The following SAMD4A variants were observed in gnomAD, a reference collection of about 807,000 sequenced individuals.
SAMD4A encodes the protein sterile alpha motif domain containing 4A.
Under a neutral mutation model 81.3 loss-of-function variants are expected in SAMD4A, and 33 were observed. That is an observed-to-expected ratio of 0.41 (90% CI 0.31 to 0.54). SAMD4A has a LOEUF of 0.54. Ranked by LOEUF, SAMD4A falls within the 20% of genes least tolerant of loss-of-function variation. The pLI is 0.37. For missense variants in SAMD4A, 854 were observed against 951.1 expected, an observed-to-expected ratio of 0.90 and a Z score of 1.34; for synonymous variants, 389 against 382.1, an observed-to-expected ratio of 1.02 and a Z score of -0.21.
At chr14:54,654,553 AGAAGTAAG>A (rs2035478493) in intron 2 of SAMD4A, among the ~76,000 whole-genome samples, 1 of 152,170 alleles carries the variant, frequency 6.6e-6, no homozygotes, top group South Asian at 2.1e-4. Context: ...TTTGATCTTG[AGAAGTAAG>A]GATATTAAAA....
At chr14:54,713,109 T>C (rs1045165383) in intron 3 of SAMD4A, among the ~76,000 whole-genome samples, 1 of 152,188 alleles carries the variant, frequency 6.6e-6, no homozygotes, top group African/African-American at 2.4e-5. Context: ...TTACTGATTT[T>C]TTTTTCTTTT....
chr14:54,586,271 ATTGT>A (rs1375415814), intron 2 of SAMD4A, among the ~76,000 whole-genome samples: 1 of 151,582 alleles, frequency 6.6e-6, no homozygotes, highest in Non-Finnish European at 1.5e-5. Context: ...TTTTGATGGG[ATTGT>A]TTGTTTTCTT....
At chr14:54,615,021 A>C (rs2034457134) in intron 2 of SAMD4A, among the ~76,000 whole-genome samples, 2 of 152,302 alleles carry the variant, frequency 1.3e-5, no homozygotes, top group South Asian at 4.1e-4. Context: ...AAGGGTGGTC[A>C]GATGCCATGT....
At chr14:54,650,763 T>C (rs1036993336) in intron 2 of SAMD4A, among the ~76,000 whole-genome samples, 2 of 152,174 alleles carry the variant, frequency 1.3e-5, no homozygotes, top group African/African-American at 4.8e-5. Flanking sequence ...TATTCTGTCA[T>C]CTTGTTTCCC....
At chr14:54,631,103 G>T (rs1224287719) in intron 2 of SAMD4A, among the ~76,000 whole-genome samples, 2 of 151,908 alleles carry the variant, frequency 1.3e-5, no homozygotes, top group African/African-American at 2.4e-5. Context: ...TTCCATTTGA[G>T]TCCAAAGCAG....
chr14:54,744,752 C>A (rs1048696964), intron 4 of SAMD4A, among the ~76,000 whole-genome samples: 1 of 152,198 alleles, frequency 6.6e-6, no homozygotes, highest in Non-Finnish European at 1.5e-5. Context: ...TGCTCTTTGC[C>A]AGAGAGATTC....
chr14:54,577,118 C>T (rs1241062225), intron 2 of SAMD4A, among the ~76,000 whole-genome samples: 2 of 152,224 alleles, frequency 1.3e-5, no homozygotes, highest in Admixed American at 6.5e-5. Context: ...CACAGGGATC[C>T]TCTGAGGAGC....
At chr14:54,759,825 C>T (rs1175458343) in intron 6 of SAMD4A, among the ~76,000 whole-genome samples, 1 of 152,218 alleles carries the variant, frequency 6.6e-6, no homozygotes, top group Non-Finnish European at 1.5e-5. Context: ...GCTCCTAAAG[C>T]ATGTGACTGT....
rs1035793613 is a variant in SAMD4A, at chr14:54,666,237, C to T, written c.197-35825C>T. Among the ~76,000 whole-genome samples the T allele has an allele frequency of 2.0e-5, 3 of 152,308 alleles. No individual in the cohort carries two copies. The South Asian group carries it at 6.2e-4, about 32-fold the overall frequency. ...TGGAAGGAGGGACCCAGAGGAAGTA[C>T]TGGATATAGCAAAGCTACATGGATT... On this transcript the variant is annotated intron_variant, in intron 2 of 12. Coordinates refer to ENST00000554335, the MANE Select transcript of SAMD4A (RefSeq NM_015589.6).
chr14:54,627,190 C>T (rs141701850), intron 2 of SAMD4A, among the ~76,000 whole-genome samples: 1 of 152,256 alleles, frequency 6.6e-6, no homozygotes, highest in East Asian at 1.9e-4. Context: ...CTAGCTCAAG[C>T]TCAGAAAAAC....
intron 4 of SAMD4A, among the ~76,000 whole-genome samples, chr14:54,747,369 G>A (rs750196400): frequency 2.6e-4 from 39 of 152,318 alleles, no homozygotes; most frequent in Middle Eastern, 6.8e-3. Flanking sequence ...TTGAGTTCAG[G>A]AGATTATCCC....
chr14:54,774,430 G>A (rs531985747), intron 9 of SAMD4A, among the ~76,000 whole-genome samples: 13 of 152,298 alleles, frequency 8.5e-5, no homozygotes, highest in Non-Finnish European at 1.8e-4. Flanking sequence ...GAGGCGGGGT[G>A]CAGTGGCTCA....
intron 2 of SAMD4A, among the ~76,000 whole-genome samples, chr14:54,692,640 AGTG>A (rs1351970085): frequency 6.6e-6 from 1 of 152,230 alleles, no homozygotes; most frequent in African/African-American, 2.4e-5. Flanking sequence ...GGGTTTTGGC[AGTG>A]GTGGTCTGGA....
At chr14:54,748,710 C>T (rs1279996627) in intron 4 of SAMD4A, 105 bp from the exon 5 acceptor site, 67 of 738,778 alleles carry the variant, frequency 9.1e-5, no homozygotes, top group Middle Eastern at 4.8e-4. Context: ...TTTTTTTTTC[C>T]TTTGACCATC....
intron 3 of SAMD4A, among the ~76,000 whole-genome samples, chr14:54,718,276 A>G (rs1319906302): frequency 1.3e-5 from 2 of 152,224 alleles, no homozygotes; most frequent in East Asian, 3.9e-4. Context: ...CAAGGAATGA[A>G]TGCTTTTTCT....
At position 54,702,165 on chromosome 14, in the gene SAMD4A, A is replaced by G. The variant is rs2036735931; in HGVS notation, c.300A>G (p.Glu100=). ...LKPGNLDAKV[E]YMKLLPKILA... is the part of the protein sequence containing the mutation. ...CAGGAAACCTCGACGCGAAAGTAGA[A>G]TATATGAAACTGCTGCCCAAAATCC... Residue 100 remains glutamate, a synonymous_variant, in exon 3 of 13, where the codon GAA becomes GAG. Transcript: ENST00000554335. The G allele has an allele frequency of 1.2e-6, 2 of 1,614,172 alleles. No individual in the cohort carries two copies. The highest frequency in any genetic ancestry group is 2.2e-5 in the East Asian group (1 of 44,872).
intron 2 of SAMD4A, among the ~76,000 whole-genome samples, chr14:54,620,115 A>G (rs9285581): frequency 0.54 from 81,426 of 151,726 alleles, 22,238 homozygotes; most frequent in East Asian, 0.87. Flanking sequence ...CCTTATATAC[A>G]TTATTTCATG....
At chr14:54,704,956 G>T (rs1327984357) in intron 3 of SAMD4A, among the ~76,000 whole-genome samples, 1 of 152,110 alleles carries the variant, frequency 6.6e-6, no homozygotes, top group Non-Finnish European at 1.5e-5. Flanking sequence ...CCTGACAGAG[G>T]GAAGAACAAG....
At chr14:54,757,381 A>C (rs1055840045) in intron 6 of SAMD4A, among the ~76,000 whole-genome samples, 1 of 95,810 alleles carries the variant, frequency 1.0e-5, no homozygotes. Context: ...TGGTTTCTTT[A>C]TTTGTGTGTG....
Sources: allele counts gnomAD v4.1 joint callset (sites outside exome capture counted in the v4.1 genomes callset), GRCh38; gene constraint gnomAD v4.1.1; transcripts MANE v1.5; gene names NCBI Gene and HGNC (gene_info 2026-07-23, HGNC 2026-07-21).